The following MYH4 variants were observed in gnomAD, a reference collection of about 807,000 sequenced individuals.
The protein encoded by MYH4 is myosin heavy chain 4, also known as myosin-4.
A neutral mutation model predicts 229.9 loss-of-function variants in MYH4; 200 were observed. That is an observed-to-expected ratio of 0.87 (90% confidence interval 0.78 to 0.98). The LOEUF (loss-of-function observed/expected upper bound fraction) is 0.98. Among genes scored for constraint, MYH4 ranks in the 50% least tolerant of loss-of-function variants. MYH4 has a pLI of 0.00. For missense variants in MYH4, 2,148 were observed against 2,332.6 expected, an observed-to-expected ratio of 0.92 and a Z score of 1.63; for synonymous variants, 761 against 834.6, an observed-to-expected ratio of 0.91 and a Z score of 1.52.
Position 10,466,326 on chromosome 17 carries a change from C to T in MYH4, c.295G>A (p.Glu99Lys), listed in dbSNP as rs771715484. The T allele has an allele frequency of 9.3e-6, 15 of 1,614,084 alleles. No homozygotes were observed. Among genetic ancestry groups the T allele is most frequent in the Middle Eastern group, 3.3e-4 (2 of 6,084 alleles). Residue 99 changes from glutamate to lysine, a missense_variant, in exon 4 of 40, where the codon GAG becomes AAG. By Grantham distance (56) the Glu-to-Lys change is moderately conservative. Coordinates refer to ENST00000255381, the MANE Select transcript of MYH4 (RefSeq NM_017533.2). Reference sequence around the variant, plus strand: ...TTGAGGTTATACAGCACAGCAGGCTCATGCAGGTGAGTCATCATGGCCATG... The same window carrying T: ...TTGAGGTTATACAGCACAGCAGGCTTATGCAGGTGAGTCATCATGGCCATG... ...EDMAMMTHLHEPAVLYNLKER... is the reference protein window; with the variant it reads ...EDMAMMTHLHKPAVLYNLKER...
intron 17 of MYH4, 136 bp downstream of exon 17, chr17:10,456,349 C>G: frequency 2.9e-6 from 2 of 686,486 alleles, no homozygotes; most frequent in Non-Finnish European, 4.7e-6. Context: ...GTTTACAAAA[C>G]CTTTAGTAGT....
In MYH4 at chr17:10,447,078, C is replaced by T. The variant is rs2142210136; in HGVS notation, c.5104G>A (p.Gly1702Ser). 6.2e-7 allele frequency: 1 copy of T among 1,614,134 alleles called. No homozygotes were observed. Among genetic ancestry groups the T allele is most frequent in the Non-Finnish European group, 8.5e-7 (1 of 1,180,014 alleles). ...AGCTCTTGCTCTGCCATTTTCCTGC[C>T]TCTCTCAGTCCGTTCCAGGGATGCC... ...LRASLERTER[G>S]RKMAEQELLD... is the part of the protein sequence containing the mutation. Residue 1702 changes from glycine to serine, a missense_variant, in exon 35 of 40, where the codon GGC becomes AGC. Coordinates refer to ENST00000255381, the MANE Select transcript of MYH4 (RefSeq NM_017533.2).
intron 2 of MYH4, 27 bp from the exon 3 acceptor site, chr17:10,466,811 T>C: frequency 6.3e-7 from 1 of 1,579,250 alleles, no homozygotes; most frequent in African/African-American, 1.3e-5. Flanking sequence ...AGCCAAATGA[T>C]GATTCAGGGT....
chr17:10,447,827 T>G lies in MYH4; in HGVS notation c.4956A>C (p.Gly1652=), dbSNP rs774844740. The change falls in exon 34 of 40, where the codon GGA becomes GGC. Residue 1652 remains glycine, a synonymous_variant. Coordinates refer to ENST00000255381, the MANE Select transcript of MYH4 (RefSeq NM_017533.2). ...ATTTACCCCAGCATACCTTCAGTAT[T>G]CCTTGTGTGTTTCTAAGATTCCTTA... ...EALRNLRNTQ[G]ILKDTQLHLD... The G allele has an allele frequency of 8.1e-6, 13 of 1,610,412 alleles. No homozygotes were observed. Among genetic ancestry groups the G allele is most frequent in the Non-Finnish European group, 1.1e-5 (13 of 1,178,038 alleles).
chr17:10,463,875 A>G (rs2072730713), intron 7 of MYH4, among the ~76,000 whole-genome samples: 1 of 152,104 alleles, frequency 6.6e-6, no homozygotes, highest in South Asian at 2.1e-4. Flanking sequence ...TGATTGTGAG[A>G]ATTTTTGCCT....
chr17:10,448,078 G>A lies in MYH4; in HGVS notation c.4705C>T (p.Leu1569=). 1.2e-6 allele frequency: 2 copies of A among 1,613,860 alleles called. No individual in the cohort carries two copies. The highest frequency in any genetic ancestry group is 2.2e-5 in the South Asian group (2 of 91,042). Residue 1569 remains leucine, a synonymous_variant, in exon 34 of 40, where the codon CTA becomes TTA. Transcript: ENST00000255381. ...TCAATCTCAGATTTCACCTGATTTA[G>A]CTCAAGTTGAATGCGAAGAATTTTG... The part of the protein sequence containing the change: ...EGKILRIQLE[L]NQVKSEIDRK...
Position 10,457,698 on chromosome 17 carries a change from T to C in MYH4, c.1619A>G (p.Glu540Gly), listed in dbSNP as rs2072657805. The C allele has an allele frequency of 1.9e-6, 3 of 1,613,962 alleles. No individual in the cohort carries two copies. The highest frequency in any genetic ancestry group is 2.5e-6 in the Non-Finnish European group (3 of 1,179,988). The change falls in exon 16 of 40, where the codon GAG becomes GGG. Residue 540 changes from glutamate to glycine, a missense_variant. Glu to Gly is a moderately conservative substitution (Grantham distance 98). Transcript: ENST00000255381. ...GTCTGTTGCCTTGGGGAACATGCAC[T>C]CCTCTTCTAGGATGGAGAAGATGCC... ...PMGIFSILEE[E>G]CMFPKATDTS...
Position 10,448,428 on chromosome 17 carries a change from T to G in MYH4, c.4624A>C (p.Ser1542Arg). 6.2e-7 allele frequency: 1 copy of G among 1,613,978 alleles called. No individual in the cohort carries two copies. Among genetic ancestry groups the G allele is most frequent in the South Asian group, 1.1e-5 (1 of 91,064 alleles). ...TCCTCTAGGGAAGTCTGTAGTTCAC[T>G]CTTCTCATGATCAAGTTGTTTCTTT... ...KVKKQLDHEK[S>R]ELQTSLEEAE... The change falls in exon 33 of 40, where the codon AGT becomes CGT. Residue 1542 changes from serine to arginine, a missense_variant. Transcript: ENST00000255381.
Position 10,444,716 on chromosome 17 carries a change from T to G in MYH4, c.5572-17A>C. 6.2e-7 allele frequency: 1 copy of G among 1,612,856 alleles called. No homozygotes were observed. The highest frequency in any genetic ancestry group is 1.1e-5 in the South Asian group (1 of 91,022). ...CTCCTCAGTCTGAAAGAGGTGCAAGTAGATGGTGCCATTATTTTAAAACAA... is the reference window on the plus strand; with the variant it reads ...CTCCTCAGTCTGAAAGAGGTGCAAGGAGATGGTGCCATTATTTTAAAACAA... On this transcript the variant is annotated splice_polypyrimidine_tract_variant and intron_variant, in intron 38 of 39. Coordinates refer to ENST00000255381, the MANE Select transcript of MYH4 (RefSeq NM_017533.2).
intron 24 of MYH4, 78 bp from the exon 25 acceptor site, chr17:10,453,010 G>GA: frequency 6.3e-7 from 1 of 1,585,188 alleles, no homozygotes; most frequent in South Asian, 1.2e-5. Context: ...AGATACATAA[G>GA]AAAAAAATTT....
Position 10,460,935 on chromosome 17 carries a change from T to G in MYH4, c.1128A>C (p.Ala376=), listed in dbSNP as rs1304223829. The G allele has an allele frequency of 6.2e-6, 10 of 1,614,042 alleles. No individual in the cohort carries two copies. The highest frequency in any genetic ancestry group is 8.5e-6 in the Non-Finnish European group (10 of 1,180,016). Residue 376 remains alanine (A), a synonymous_variant, in exon 12 of 40, where the codon GCA becomes GCC. Coordinates refer to ENST00000255381, the MANE Select transcript of MYH4 (RefSeq NM_017533.2). ...KFKQKQREEQ[A]EPDGTEVADK... ...TGGTACCTTCCGTGCCATCTGGCTCTGCCTGCTCTTCCCTTTGCTTTTGCT... is the reference window on the plus strand; with the variant it reads ...TGGTACCTTCCGTGCCATCTGGCTCGGCCTGCTCTTCCCTTTGCTTTTGCT...
At position 10,456,469 on chromosome 17, in the gene MYH4, C is replaced by A; in HGVS notation, c.1968+16G>T. The A allele has an allele frequency of 6.3e-7, 1 of 1,579,196 alleles. No individual in the cohort carries two copies. Among genetic ancestry groups the A allele is most frequent in the Non-Finnish European group, 8.6e-7 (1 of 1,164,648 alleles). On this transcript the variant is annotated intron_variant, in intron 17 of 39. Transcript: ENST00000255381. The stretch of plus-strand genomic sequence containing the variant: ...TTAATGAAAGTATTTATCTGTAATT[C>A]AAGAATATACTGTACCCTGAAAAGA...
Position 10,466,355 on chromosome 17 carries a change from T to C in MYH4, c.266A>G (p.Glu89Gly). The C allele has an allele frequency of 6.2e-7, 1 of 1,614,206 alleles. No homozygotes were observed. The highest frequency in any genetic ancestry group is 8.5e-7 in the Non-Finnish European group (1 of 1,180,016). ...SMNPPKYDKIEDMAMMTHLHE... is the reference protein window; with the variant it reads ...SMNPPKYDKIGDMAMMTHLHE... ...CAGGTGAGTCATCATGGCCATGTCC[T>C]CGATCTTGTCATATTTGGGAGGGTT... Residue 89 changes from glutamate (E) to glycine (G), a missense_variant, in exon 4 of 40, where the codon GAG becomes GGG. Physicochemically the swap from Glu to Gly is moderately conservative, Grantham distance 98. Transcript: ENST00000255381.
In MYH4 at chr17:10,453,006, A is replaced by T; in HGVS notation, c.3112-74T>A. 2.5e-6 allele frequency: 4 copies of T among 1,586,774 alleles called. No homozygotes were observed. In the Admixed American group the frequency reaches 5.5e-5, roughly 22 times the overall value. On this transcript the variant is annotated intron_variant, in intron 24 of 39. Coordinates refer to ENST00000255381, the MANE Select transcript of MYH4 (RefSeq NM_017533.2). ...CTATGCTAGTAGCCTTCAAAGATAC[A>T]TAAGAAAAAAATTTAAAGATACAAC...
At position 10,447,186 on chromosome 17, in the gene MYH4, T is replaced by G. The variant is rs573065634; in HGVS notation, c.4996A>C (p.Arg1666=). The G allele has an allele frequency of 6.2e-7, 1 of 1,614,176 alleles. No individual in the cohort carries two copies. The highest frequency in any genetic ancestry group is 2.2e-5 in the East Asian group (1 of 44,884). The change falls in exon 35 of 40, where the codon AGA becomes CGA. Residue 1666 remains arginine (R), a synonymous_variant. Coordinates refer to ENST00000255381, the MANE Select transcript of MYH4 (RefSeq NM_017533.2). ...DTQLHLDDAI[R]GQDDLKEQLA... ...TGTTCCTTAAGGTCATCTTGGCCTC[T>G]GATGGCATCATCCAAATGTAGCTGA...
rs566002477 is a variant in MYH4 at position 10,450,975 on chromosome 17, C to A, written c.3866-80G>T. 121 of 1,174,480 alleles carry A rather than the reference C, an allele frequency of 1.0e-4. 3 individuals are homozygous for A. The African/African-American group carries it at 1.7e-3, about 17-fold the overall frequency. The allele number at this position is 1,174,480 out of a possible 1,614,324, so 72.8% of individuals were successfully genotyped here. ...TTAAAGAATGGAATAACATTGTAAC[C>A]CTCTTATTTCATATGATGAAAAAAC... On this transcript the variant is annotated intron_variant, in intron 28 of 39. Coordinates refer to ENST00000255381, the MANE Select transcript of MYH4 (RefSeq NM_017533.2).
At position 10,450,504 on chromosome 17, in the gene MYH4, G is replaced by C. The variant is rs34987433; in HGVS notation, c.4130C>G (p.Thr1377Ser). The change falls in exon 30 of 40, where the codon ACC becomes AGC. Residue 1377 changes from threonine to serine, a missense_variant. Thr to Ser is a moderately conservative substitution (Grantham distance 58). Transcript: ENST00000255381. Reference protein sequence around the residue: ...KANSEVAQWRTKYETDAIQRT... With the variant: ...KANSEVAQWRSKYETDAIQRT... Reference sequence around the variant, plus strand: ...CTGGATGGCGTCCGTCTCGTACTTGGTCCTCCACTGGGCAACCTCACTGTT... The same window carrying C: ...CTGGATGGCGTCCGTCTCGTACTTGCTCCTCCACTGGGCAACCTCACTGTT... 1,319 of 1,613,972 alleles carry C rather than the reference G, an allele frequency of 8.2e-4. 7 individuals carry two copies. The African/African-American group carries it at 0.014, about 17-fold the overall frequency.
At position 10,447,100 on chromosome 17, in the gene MYH4, T is replaced by C. The variant is rs2072520304; in HGVS notation, c.5082A>G (p.Ala1694=). ...LMQAEVEELR[A]SLERTERGRK... ...TGCCTCTCTCAGTCCGTTCCAGGGA[T>C]GCCCTGAGCTCTTCAACTTCAGCCT... The change falls in exon 35 of 40, where the codon GCA becomes GCG. Residue 1694 remains alanine, a synonymous_variant. Coordinates refer to ENST00000255381, the MANE Select transcript of MYH4 (RefSeq NM_017533.2). 2 of 1,614,054 alleles carry C rather than the reference T, an allele frequency of 1.2e-6. No individual in the cohort carries two copies. Among genetic ancestry groups the C allele is most frequent in the East Asian group, 2.2e-5 (1 of 44,898 alleles).
In MYH4 at chr17:10,448,480, T is replaced by C; in HGVS notation, c.4572A>G (p.Gly1524=). 1 of 1,614,058 alleles carries C rather than the reference T, an allele frequency of 6.2e-7. No homozygotes were observed. The change falls in exon 33 of 40, where the codon GGA becomes GGG. Residue 1524 remains glycine, a synonymous_variant. Transcript: ENST00000255381. ...CTTTCTCCAGTTCATGGATATGCTT[T>C]CCACCCTCTGCAATTTGCTCTGTCA... ...SDLTEQIAEG[G]KHIHELEKVK...
Sources: allele counts gnomAD v4.1 joint callset (sites outside exome capture counted in the v4.1 genomes callset), GRCh38; gene constraint gnomAD v4.1.1; transcripts MANE v1.5; gene names NCBI Gene and HGNC (gene_info 2026-07-23, HGNC 2026-07-21).